DOCK3: variants seen among roughly 807,000 people sequenced by gnomAD.
DOCK3 encodes the protein dedicator of cytokinesis protein 3.
DOCK3 carries 60 observed loss-of-function variants against 265.6 expected under a neutral mutation model. The ratio of observed to expected loss-of-function variants is 0.23; its 90% CI spans 0.18 to 0.28. DOCK3 has a LOEUF of 0.28. Among genes scored for constraint, DOCK3 ranks in the 10% least tolerant of loss-of-function variants. The pLI is 1.00. For missense variants in DOCK3, 1,981 were observed against 2,594.3 expected, an observed-to-expected ratio of 0.76 and a Z score of 5.14; for synonymous variants, 881 against 938.0, an observed-to-expected ratio of 0.94 and a Z score of 1.11.
chr3:51,118,030 G>C (rs1477607219), intron 9 of DOCK3, among the ~76,000 whole-genome samples: 1 of 152,134 alleles, frequency 6.6e-6, no homozygotes, highest in Non-Finnish European at 1.5e-5. Context: ...TGCTTCACTA[G>C]TTGTTTCAAT....
intron 6 of DOCK3, among the ~76,000 whole-genome samples, chr3:51,068,695 G>A (rs1340466063): frequency 6.6e-6 from 1 of 152,106 alleles, no homozygotes; most frequent in Non-Finnish European, 1.5e-5. Context: ...ACCTAGAACT[G>A]ATCCCAAAGC....
At chr3:50,678,621 T>C (rs994533239) in intron 1 of DOCK3, among the ~76,000 whole-genome samples, 1 of 152,158 alleles carries the variant, frequency 6.6e-6, no homozygotes, top group African/African-American at 2.4e-5. Context: ...TCATCTTGTT[T>C]ATTCTGCTGC....
intron 5 of DOCK3, among the ~76,000 whole-genome samples, chr3:50,969,877 T>C (rs2108453336): frequency 6.6e-6 from 1 of 152,278 alleles, no homozygotes; most frequent in East Asian, 1.9e-4. Context: ...CAAGACCATC[T>C]GGCTAACACG....
In DOCK3 at chr3:50,727,988, A is replaced by G. The variant is rs143422407; in HGVS notation, c.38-50687A>G. ...GACAAAATTGAAATTTTAGATCATT[A>G]TACCCAACAGAGTACACAGTTTTCA... On this transcript the variant is annotated intron_variant, in intron 1 of 52. Transcript: ENST00000266037. 4.7e-4 allele frequency among the ~76,000 whole-genome samples: 72 copies of G among 152,344 alleles called. No individual in the cohort carries two copies. The East Asian group carries it at 0.012, about 25-fold the overall frequency.
intron 27 of DOCK3, among the ~76,000 whole-genome samples, chr3:51,289,032 G>C (rs889260546): frequency 6.6e-6 from 1 of 151,688 alleles, no homozygotes; most frequent in Non-Finnish European, 1.5e-5. Flanking sequence ...AAATGACTTA[G>C]GACAGGAGTG....
At chr3:51,128,769 G>A (rs1214238481) in intron 9 of DOCK3, among the ~76,000 whole-genome samples, 3 of 152,188 alleles carry the variant, frequency 2.0e-5, no homozygotes, top group African/African-American at 7.2e-5. Flanking sequence ...TGGGCACTCA[G>A]CAATGGCCGT....
chr3:51,362,117 G>A, intron 48 of DOCK3, 120 bp downstream of exon 48: 1 of 1,296,144 alleles, frequency 7.7e-7, no homozygotes, highest in South Asian at 1.5e-5. Context: ...CCTGAATTCA[G>A]AACACCCCTC....
chr3:50,831,174 A>C (rs1224761744), intron 2 of DOCK3, among the ~76,000 whole-genome samples: 1 of 150,748 alleles, frequency 6.6e-6, no homozygotes, highest in Non-Finnish European at 1.5e-5. Context: ...TGGCTTCTTT[A>C]CTGCAACCTG....
At chr3:50,883,691 T>C (rs1200050403) in intron 3 of DOCK3, among the ~76,000 whole-genome samples, 2 of 152,164 alleles carry the variant, frequency 1.3e-5, no homozygotes, top group Admixed American at 1.3e-4. Flanking sequence ...TATATTTTCA[T>C]TGAAAATTAT....
At chr3:50,966,134 T>C (rs1575627308) in intron 5 of DOCK3, among the ~76,000 whole-genome samples, 1 of 152,156 alleles carries the variant, frequency 6.6e-6, no homozygotes, top group African/African-American at 2.4e-5. Flanking sequence ...ATTTCATTCA[T>C]GTTGCTGTAA....
intron 38 of DOCK3, among the ~76,000 whole-genome samples, chr3:51,347,313 G>T (rs529740731): frequency 6.6e-6 from 1 of 152,122 alleles, no homozygotes; most frequent in African/African-American, 2.4e-5. Context: ...ATTAATTTTT[G>T]TACGAGGTGT....
At chr3:51,169,987 T>G (rs74433122) in intron 12 of DOCK3, among the ~76,000 whole-genome samples, 1 of 150,886 alleles carries the variant, frequency 6.6e-6, no homozygotes, top group African/African-American at 2.5e-5. Context: ...TGTAATTTTC[T>G]TTTTTTTATG....
At chr3:51,307,841 A>G (rs181900061) in intron 27 of DOCK3, among the ~76,000 whole-genome samples, 87 of 148,038 alleles carry the variant, frequency 5.9e-4, no homozygotes, top group African/African-American at 2.0e-3. Context: ...CCGAAATGAC[A>G]TGGCTGCTTC....
In DOCK3 at chr3:51,274,589, C is replaced by T. The variant is rs1290809649; in HGVS notation, c.2549-490C>T. 2.2e-4 allele frequency among the ~76,000 whole-genome samples: 33 copies of T among 152,008 alleles called. 1 individual carries two copies. The highest frequency in any genetic ancestry group is 2.2e-3 in the Admixed American group (33 of 15,258). ...GCCCAGGAGTTCAAGACTAGCTGGGCAGCATAGTGAGACCTCATCTCTACA... is the reference window on the plus strand; with the variant it reads ...GCCCAGGAGTTCAAGACTAGCTGGGTAGCATAGTGAGACCTCATCTCTACA... On this transcript the variant is annotated intron_variant, in intron 24 of 52. Transcript: ENST00000266037.
At chr3:50,846,131 A>G (rs1257574295) in intron 3 of DOCK3, among the ~76,000 whole-genome samples, 2 of 152,230 alleles carry the variant, frequency 1.3e-5, no homozygotes, top group African/African-American at 4.8e-5. Context: ...ATGAGACTGT[A>G]AAGACTGCCA....
chr3:51,294,120 T>C (rs1302657142), intron 27 of DOCK3, among the ~76,000 whole-genome samples: 1 of 152,146 alleles, frequency 6.6e-6, no homozygotes, highest in African/African-American at 2.4e-5. Flanking sequence ...ACTCAGTATG[T>C]CAAAGAGATA....
intron 21 of DOCK3, 48 bp from the exon 22 acceptor site, chr3:51,246,678 A>C (rs571504319): frequency 6.4e-7 from 1 of 1,554,438 alleles, no homozygotes; most frequent in Non-Finnish European, 8.8e-7. Flanking sequence ...TTCAAGCTGC[A>C]TTACTTTTGA....
At chr3:51,378,937 C>T (rs11712780) in intron 51 of DOCK3, among the ~76,000 whole-genome samples, 57,854 of 152,162 alleles carry the variant, frequency 0.38, 13,998 homozygotes, top group Non-Finnish European at 0.53. Flanking sequence ...CTCCACAGCC[C>T]TCCCTCCTCC....
chr3:51,054,208 C>T (rs1373986230), intron 5 of DOCK3, among the ~76,000 whole-genome samples: 1 of 150,210 alleles, frequency 6.7e-6, no homozygotes, highest in African/African-American at 2.4e-5. Flanking sequence ...TTAGCTTACC[C>T]TTACCTTTGA....
Sources: gnomAD v4.1 joint callset for allele counts (sites outside exome capture counted in the v4.1 genomes callset) on GRCh38, gnomAD v4.1.1 for gene constraint, MANE v1.5 for transcripts, NCBI Gene and HGNC (gene_info 2026-07-23, HGNC 2026-07-21) for gene names.